Variants in FER observed in about 807,000 individuals in gnomAD.
FER encodes FER tyrosine kinase.
FER carries 63 observed loss-of-function variants against 111.0 expected under a neutral mutation model. That is an observed-to-expected ratio of 0.57 (90% CI 0.46 to 0.70). FER has a LOEUF of 0.70. FER is among the 30% of genes least tolerant of loss of function. The pLI, the probability that FER is intolerant of heterozygous loss-of-function variation, is 0.00. For missense variants in FER, 914 were observed against 954.0 expected (o/e 0.96, Z 0.55); for synonymous variants, 327 against 313.9 (o/e 1.04, Z -0.44).
intron 10 of FER, among the ~76,000 whole-genome samples, chr5:108,898,680 CCT>C (rs1172677829): frequency 2.0e-5 from 3 of 148,156 alleles, no homozygotes; most frequent in African/African-American, 7.5e-5. Flanking sequence ...TCTCTCTCTT[CCT>C]CTTTCTTTCT....
chr5:108,821,350 C>G (rs929792879), intron 3 of FER, among the ~76,000 whole-genome samples: 22 of 151,648 alleles, frequency 1.5e-4, no homozygotes, highest in African/African-American at 5.3e-4. Context: ...CTAGTCAATT[C>G]CTGCTGTATT....
intron 16 of FER, among the ~76,000 whole-genome samples, chr5:109,075,918 T>C (rs1346011527): frequency 6.6e-6 from 1 of 152,118 alleles, no homozygotes; most frequent in East Asian, 1.9e-4. Flanking sequence ...GTGGCATGCA[T>C]ATCCATAATC....
At chr5:108,915,911 T>C (rs1232895038) in intron 10 of FER, among the ~76,000 whole-genome samples, 1 of 152,038 alleles carries the variant, frequency 6.6e-6, no homozygotes, top group Non-Finnish European at 1.5e-5. Flanking sequence ...TAAGAAAAGC[T>C]TTTCATTCCC....
At chr5:108,839,418 G>A (rs1398743639) in intron 5 of FER, among the ~76,000 whole-genome samples, 1 of 152,112 alleles carries the variant, frequency 6.6e-6, no homozygotes, top group Non-Finnish European at 1.5e-5. Context: ...CTAGTCAAGT[G>A]CCTGTAGGCT....
intron 2 of FER, among the ~76,000 whole-genome samples, chr5:108,771,025 C>T (rs923117787): frequency 6.6e-6 from 1 of 151,222 alleles, no homozygotes; most frequent in African/African-American, 2.4e-5. Context: ...CAACCTCTGC[C>T]TCCCGGGTTC....
At chr5:108,951,156 C>T (rs1038037385) in intron 11 of FER, among the ~76,000 whole-genome samples, 4 of 151,834 alleles carry the variant, frequency 2.6e-5, no homozygotes, top group South Asian at 2.1e-4. Flanking sequence ...CCCAGCTACT[C>T]GGGAGGCTGA....
At chr5:108,830,213 G>A (rs1441950584) in intron 3 of FER, among the ~76,000 whole-genome samples, 2 of 152,166 alleles carry the variant, frequency 1.3e-5, no homozygotes, top group East Asian at 3.9e-4. Context: ...CAGAACTTTG[G>A]GAGGCCAAAG....
At chr5:108,901,676 A>G (rs1581125974) in intron 10 of FER, among the ~76,000 whole-genome samples, 1 of 152,100 alleles carries the variant, frequency 6.6e-6, no homozygotes, top group Admixed American at 6.6e-5. Context: ...GGTAGACTGG[A>G]TGTAGTGGCT....
intron 16 of FER, among the ~76,000 whole-genome samples, chr5:109,087,973 A>T (rs894337345): frequency 2.6e-5 from 4 of 151,984 alleles, no homozygotes; most frequent in African/African-American, 9.7e-5. Context: ...CTCATGACCC[A>T]TTAATAGGTA....
chr5:108,761,370 C>G (rs1751729621), intron 1 of FER, among the ~76,000 whole-genome samples: 2 of 152,084 alleles, frequency 1.3e-5, no homozygotes, highest in African/African-American at 2.4e-5. Context: ...ATTGTTGTGT[C>G]TCATGGAACA....
At chr5:108,893,489 A>G (rs977082403) in intron 9 of FER, among the ~76,000 whole-genome samples, 2 of 152,010 alleles carry the variant, frequency 1.3e-5, no homozygotes. Flanking sequence ...CAGAGTCAGT[A>G]CATTCTATCT....
intron 13 of FER, among the ~76,000 whole-genome samples, chr5:108,961,127 G>A (rs1306777114): frequency 1.3e-5 from 2 of 152,156 alleles, no homozygotes; most frequent in Admixed American, 1.3e-4. Flanking sequence ...TCATGTGGAA[G>A]TATGAACATC....
At chr5:109,008,647 C>T (rs1238577933) in intron 13 of FER, among the ~76,000 whole-genome samples, 1 of 152,092 alleles carries the variant, frequency 6.6e-6, no homozygotes, top group African/African-American at 2.4e-5. Flanking sequence ...TGCGTATTTC[C>T]TTACAGTCTT....
Position 108,860,913 on chromosome 5 carries a change from G to A in FER, c.482-6854G>A, listed in dbSNP as rs575962065. ...GGTGAGAGAGACTGAGCAAGAGTAG[G>A]GAAAACTGCCTTGTAAAACCACCAG... is the stretch of plus-strand genomic sequence containing the variant. On this transcript the variant is annotated intron_variant, in intron 5 of 19. Transcript: ENST00000281092. Among the ~76,000 whole-genome samples the A allele has an allele frequency of 9.9e-5, 15 of 152,242 alleles. No individual in the cohort carries two copies. In the South Asian group the frequency reaches 1.9e-3, roughly 19 times the overall value.
At chr5:109,055,844 A>G (rs1192891393) in intron 16 of FER, among the ~76,000 whole-genome samples, 1 of 132,492 alleles carries the variant, frequency 7.5e-6, no homozygotes, top group African/African-American at 3.0e-5. Flanking sequence ...AGAGCAAAAC[A>G]TTGTCTCAAA....
intron 13 of FER, among the ~76,000 whole-genome samples, chr5:108,990,658 A>G (rs72790514): frequency 0.12 from 17,513 of 151,686 alleles, 1,100 homozygotes; most frequent in Non-Finnish European, 0.14. Context: ...GAGTTGAAAG[A>G]GATTAAATGG....
chr5:108,812,887 C>A (rs1407076604), intron 3 of FER, among the ~76,000 whole-genome samples: 1 of 150,996 alleles, frequency 6.6e-6, no homozygotes, highest in East Asian at 1.9e-4. Context: ...ATTATTGTTA[C>A]AGCTTTTAAT....
chr5:108,876,992 T>C (rs1765154178), intron 8 of FER, among the ~76,000 whole-genome samples: 1 of 152,200 alleles, frequency 6.6e-6, no homozygotes, highest in Non-Finnish European at 1.5e-5. Context: ...TGTACCATGC[T>C]TGATTTTGCT....
chr5:108,869,288 AT>A (rs1764376633), intron 6 of FER, among the ~76,000 whole-genome samples: 1 of 152,132 alleles, frequency 6.6e-6, no homozygotes, highest in Non-Finnish European at 1.5e-5. Context: ...ACAAGTGAGA[AT>A]GGACCCAGAT....
Sources: allele counts gnomAD v4.1 joint callset (sites outside exome capture counted in the v4.1 genomes callset), GRCh38; gene constraint gnomAD v4.1.1; transcripts MANE v1.5; gene names NCBI Gene and HGNC (gene_info 2026-07-23, HGNC 2026-07-21).